RBMS3: variants seen among roughly 807,000 people sequenced by gnomAD.
RBMS3 encodes RNA-binding motif, single-stranded-interacting protein 3.
In RBMS3, 27 loss-of-function variants were observed where a neutral mutation model predicts 66.8. That is an observed-to-expected ratio of 0.40 (90% CI 0.30 to 0.56). The LOEUF (loss-of-function observed/expected upper bound fraction) is 0.56, where lower values mean the gene tolerates loss of function less well. RBMS3 is among the 20% of genes least tolerant of loss of function. The pLI is 0.40. For missense variants in RBMS3, 513 were observed against 549.5 expected (o/e 0.93, Z 0.66); for synonymous variants, 188 against 183.0 (o/e 1.03, Z -0.22).
intron 1 of RBMS3, among the ~76,000 whole-genome samples, chr3:29,374,997 A>G (rs541710424): frequency 2.0e-5 from 3 of 152,202 alleles, no homozygotes; most frequent in African/African-American, 7.2e-5. Context: ...GCATGGTACT[A>G]GTACAAGAAC....
chr3:29,950,618 G>A (rs762485780), intron 12 of RBMS3, among the ~76,000 whole-genome samples: 42 of 151,782 alleles, frequency 2.8e-4, no homozygotes, highest in Non-Finnish European at 1.3e-4. Context: ...TAATAAACAT[G>A]TTAACAGTTC....
At chr3:29,991,789 T>A (rs79161393) in intron 14 of RBMS3, 5,104 of 152,358 alleles carry the variant, frequency 0.034, 122 homozygotes, top group South Asian at 0.067. Flanking sequence ...GTCTCCTCAC[T>A]CTTAAAGGAA....
chr3:29,855,810 G>A (rs2059059892), intron 6 of RBMS3, among the ~76,000 whole-genome samples: 1 of 152,192 alleles, frequency 6.6e-6, no homozygotes, highest in Admixed American at 6.5e-5. Context: ...CTTCCACGCT[G>A]GAAAATACAT....
intron 6 of RBMS3, among the ~76,000 whole-genome samples, chr3:29,777,413 C>G (rs540164622): frequency 2.0e-5 from 3 of 151,974 alleles, no homozygotes; most frequent in African/African-American, 4.8e-5. Flanking sequence ...GCATATTATT[C>G]TAGTGTGATT....
chr3:29,629,287 G>C (rs9883938), intron 4 of RBMS3, among the ~76,000 whole-genome samples: 14,183 of 152,054 alleles, frequency 0.093, 1,178 homozygotes, highest in East Asian at 0.35. Flanking sequence ...TCTGCTATCT[G>C]CAGGCTATTT....
At chr3:29,943,594 T>C (rs1413821379) in intron 11 of RBMS3, among the ~76,000 whole-genome samples, 1 of 151,846 alleles carries the variant, frequency 6.6e-6, no homozygotes, top group African/African-American at 2.4e-5. Context: ...TCACGTTCAA[T>C]AGATTCTGTT....
chr3:29,933,314 GTATT>G (rs932827606), intron 10 of RBMS3, among the ~76,000 whole-genome samples: 2 of 151,938 alleles, frequency 1.3e-5, no homozygotes, highest in Non-Finnish European at 2.9e-5. Flanking sequence ...TTCTTCTTTT[GTATT>G]TATTTATTTA....
At chr3:29,283,599 G>T (rs993326257) in intron 1 of RBMS3, among the ~76,000 whole-genome samples, 8 of 152,070 alleles carry the variant, frequency 5.3e-5, no homozygotes, top group Admixed American at 3.9e-4. Flanking sequence ...TAGACAGGCG[G>T]CATCTGGATC....
intron 1 of RBMS3, among the ~76,000 whole-genome samples, chr3:29,388,797 C>G (rs2039137266): frequency 6.6e-6 from 1 of 152,150 alleles, no homozygotes; most frequent in African/African-American, 2.4e-5. Context: ...ATCTCCTGAC[C>G]TCGTGATCCG....
intron 6 of RBMS3, among the ~76,000 whole-genome samples, chr3:29,830,199 T>C (rs2058335104): frequency 6.6e-6 from 1 of 152,110 alleles, no homozygotes; most frequent in Non-Finnish European, 1.5e-5. Flanking sequence ...AAAATTGTGC[T>C]GGGGTCAAGT....
At chr3:29,472,822 A>G (rs1416447318) in intron 2 of RBMS3, among the ~76,000 whole-genome samples, 2 of 152,142 alleles carry the variant, frequency 1.3e-5, no homozygotes, top group Non-Finnish European at 2.9e-5. Flanking sequence ...GCAAAGAGCG[A>G]AAGAACAAAG....
intron 1 of RBMS3, among the ~76,000 whole-genome samples, chr3:29,404,937 A>T (rs1426710842): frequency 6.6e-6 from 1 of 152,166 alleles, no homozygotes; most frequent in Non-Finnish European, 1.5e-5. Flanking sequence ...AAGATTATAA[A>T]GCCAGACTGC....
At chr3:29,669,627 G>C (rs1251098673) in intron 4 of RBMS3, among the ~76,000 whole-genome samples, 1 of 151,452 alleles carries the variant, frequency 6.6e-6, no homozygotes, top group Non-Finnish European at 1.5e-5. Context: ...CTGTCATTGA[G>C]GTGTTAGATT....
chr3:29,817,244 A>G (rs901824867), intron 6 of RBMS3, among the ~76,000 whole-genome samples: 2 of 138,226 alleles, frequency 1.4e-5, no homozygotes, highest in Admixed American at 7.6e-5. Flanking sequence ...CTGGAGTGCA[A>G]TGGCACAATC....
chr3:29,660,574 T>A (rs1405128919), intron 4 of RBMS3, among the ~76,000 whole-genome samples: 1 of 152,174 alleles, frequency 6.6e-6, no homozygotes, highest in Non-Finnish European at 1.5e-5. Context: ...CTATATGCTG[T>A]GTAGCTTTTT....
intron 10 of RBMS3, among the ~76,000 whole-genome samples, chr3:29,928,805 T>C (rs6769607): frequency 0.76 from 87,370 of 114,324 alleles, 31,832 homozygotes; most frequent in Middle Eastern, 0.82. Context: ...CTCTCTTCTC[T>C]CATAACATAT....
rs568895909 is a variant in RBMS3 at position 29,816,279 on chromosome 3, C to T, written c.638-52579C>T. Among the ~76,000 whole-genome samples, 26 of 150,382 alleles carry T rather than the reference C, an allele frequency of 1.7e-4. 1 individual carries two copies. In the South Asian group the frequency reaches 1.9e-3, roughly 11 times the overall value. ...AAAAAGTCATGTGCATCCCCCTGTG[C>T]GCGCACACACAGACACACACAGACA... is the stretch of plus-strand genomic sequence containing the variant. On this transcript the variant is annotated intron_variant, in intron 6 of 14. Transcript: ENST00000383767.
At chr3:29,409,635 G>C (rs1489877456) in intron 1 of RBMS3, among the ~76,000 whole-genome samples, 1 of 152,210 alleles carries the variant, frequency 6.6e-6, no homozygotes, top group South Asian at 2.1e-4. Flanking sequence ...ATGTGTGGGA[G>C]TGCTTATCTA....
intron 6 of RBMS3, among the ~76,000 whole-genome samples, chr3:29,835,683 T>A (rs2058487114): frequency 6.6e-6 from 1 of 151,500 alleles, no homozygotes; most frequent in Non-Finnish European, 1.5e-5. Flanking sequence ...CAAAGAGACA[T>A]CTCAAATAAA....
Sources: allele counts gnomAD v4.1 joint callset (sites outside exome capture counted in the v4.1 genomes callset), GRCh38; gene constraint gnomAD v4.1.1; transcripts MANE v1.5; gene names NCBI Gene and HGNC (gene_info 2026-07-23, HGNC 2026-07-21).